The following OTUD7A variants were observed in gnomAD, a reference collection of about 807,000 sequenced individuals.
The protein encoded by OTUD7A is OTU domain-containing protein 7A.
OTUD7A carries 12 observed loss-of-function variants against 65.7 expected under a neutral mutation model. The ratio of observed to expected loss-of-function variants is 0.18; its 90% CI spans 0.12 to 0.30. The LOEUF (loss-of-function observed/expected upper bound fraction) is 0.30. OTUD7A is among the 10% of genes least tolerant of loss of function. The pLI, the probability that OTUD7A is intolerant of heterozygous loss-of-function variation, is 1.00. For missense variants in OTUD7A, 1,148 were observed against 1,304.8 expected (o/e 0.88, Z 1.85); for synonymous variants, 641 against 586.3 (o/e 1.09, Z -1.35).
chr15:31,820,726 T>G (rs887325932), intron 1 of OTUD7A, among the ~76,000 whole-genome samples: 2 of 152,220 alleles, frequency 1.3e-5, no homozygotes, highest in Admixed American at 1.3e-4. Flanking sequence ...TCCAGGAATT[T>G]GAAATCAGGG....
chr15:31,767,533 T>C, intron 1 of OTUD7A: 1 of 772,884 alleles, frequency 1.3e-6, no homozygotes, highest in African/African-American at 1.7e-5. Flanking sequence ...CCATGTTTAC[T>C]TGTATTGGCC....
Position 31,483,245 on chromosome 15 carries a change from A to G in OTUD7A, c.*49T>C, listed in dbSNP as rs756217662. ...TAAAAAAGACACCGACACAATGGAA[A>G]AGAAATCCTCGAAGGTAGAACCTCG... On this transcript the variant is annotated 3_prime_UTR_variant, in exon 13 of 13. Transcript: ENST00000307050. 2.8e-6 allele frequency: 3 copies of G among 1,061,894 alleles called. No individual in the cohort carries two copies. The highest frequency in any genetic ancestry group is 3.4e-6 in the Non-Finnish European group (3 of 880,790). The allele number at this position is 1,061,894 out of a possible 1,614,324, so 65.8% of individuals were successfully genotyped here.
chr15:31,558,558 A>C (rs1888575323), intron 5 of OTUD7A: 1 of 217,394 alleles, frequency 4.6e-6, no homozygotes, highest in African/African-American at 2.3e-5. Context: ...AGGCTGAGAG[A>C]GATCACCTGA....
intron 1 of OTUD7A, among the ~76,000 whole-genome samples, chr15:31,715,006 G>A (rs1366726805): frequency 1.2e-5 from 1 of 85,844 alleles, no homozygotes; most frequent in African/African-American, 3.1e-5. Flanking sequence ...TGTGGTGGTG[G>A]GCACCTGTAG....
At chr15:31,864,603 G>A (rs971931031) in intron 1 of OTUD7A, among the ~76,000 whole-genome samples, 41 of 152,186 alleles carry the variant, frequency 2.7e-4, no homozygotes, top group African/African-American at 9.6e-4. Context: ...CTCCCTCTGG[G>A]TCCCTCCCAC....
At chr15:31,592,651 C>G (rs528996334) in intron 3 of OTUD7A, among the ~76,000 whole-genome samples, 18 of 151,632 alleles carry the variant, frequency 1.2e-4, no homozygotes, top group African/African-American at 4.4e-4. Context: ...GAGGCTGAGG[C>G]GGGCAGATCA....
chr15:31,515,662 C>T lies in OTUD7A; in HGVS notation c.893+10687G>A, dbSNP rs2041837786. 2.8e-5 allele frequency among the ~76,000 whole-genome samples: 4 copies of T among 142,030 alleles called. No homozygotes were observed. The South Asian group carries it at 9.7e-4, about 34-fold the overall frequency. The allele number at this position is 142,030 out of a possible 152,430, so 93.2% of individuals were successfully genotyped here. ...CCCTCCCTCTCTCTCTTCATCCATC[C>T]ATCTATTGATCCACCCATCCACTTG... On this transcript the variant is annotated intron_variant, in intron 8 of 12. Transcript: ENST00000307050.
At chr15:31,541,688 C>A (rs1887992063) in intron 5 of OTUD7A, among the ~76,000 whole-genome samples, 1 of 152,112 alleles carries the variant, frequency 6.6e-6, no homozygotes, top group Non-Finnish European at 1.5e-5. Flanking sequence ...TTAGTATGCA[C>A]CAAACCAGCA....
intron 1 of OTUD7A, among the ~76,000 whole-genome samples, chr15:31,720,271 T>C (rs1279832063): frequency 1.3e-5 from 2 of 151,796 alleles, no homozygotes; most frequent in African/African-American, 4.8e-5. Flanking sequence ...TTTACAGTCA[T>C]GTGCAGATAG....
chr15:31,483,575 G>T lies in OTUD7A; in HGVS notation c.2521C>A (p.Leu841Ile). The change falls in exon 13 of 13, where the codon CTA becomes ATA. Residue 841 changes from leucine to isoleucine, a missense_variant. Leu to Ile is a conservative substitution (Grantham distance 5, BLOSUM62 2). This residue lies in a region of OTUD7A where 842 missense variants were observed against 769.5 expected (regional missense o/e 1.09). Transcript: ENST00000307050. ...CCCGCCGTCCCCGCCGCGCCCGGTA[G>T]GGCCCCGGGCACCGCGCGCGCCAGC... ...ESLARAVPGA[L>I]PGAAGTAGAA... is the part of the protein sequence containing the mutation. The T allele has an allele frequency of 7.9e-7, 1 of 1,260,652 alleles. No homozygotes were observed. Among genetic ancestry groups the T allele is most frequent in the Non-Finnish European group, 1.0e-6 (1 of 1,004,718 alleles). 78.1% of individuals were successfully genotyped at this position (1,260,652 alleles called of 1,614,324 possible).
intron 1 of OTUD7A, among the ~76,000 whole-genome samples, chr15:31,749,739 A>C (rs1048844084): frequency 2.0e-5 from 3 of 152,170 alleles, no homozygotes; most frequent in African/African-American, 4.8e-5. Flanking sequence ...TAAAAGGTGT[A>C]CAATTTTTTT....
intron 1 of OTUD7A, among the ~76,000 whole-genome samples, chr15:31,737,418 C>T (rs944277287): frequency 2.0e-5 from 3 of 152,216 alleles, no homozygotes; most frequent in East Asian, 1.9e-4. Context: ...GAAAAAACGA[C>T]GCAAACTGCC....
intron 1 of OTUD7A, among the ~76,000 whole-genome samples, chr15:31,845,253 T>C (rs1395600887): frequency 1.3e-5 from 2 of 152,158 alleles, no homozygotes; most frequent in Non-Finnish European, 2.9e-5. Flanking sequence ...GTTTCCCTCA[T>C]GGCTCTGAAC....
intron 1 of OTUD7A, among the ~76,000 whole-genome samples, chr15:31,844,471 T>C (rs1159542699): frequency 1.3e-5 from 2 of 152,260 alleles, no homozygotes; most frequent in Non-Finnish European, 1.5e-5. Flanking sequence ...CACTCCAGCC[T>C]GGGTGACAGA....
intron 1 of OTUD7A, among the ~76,000 whole-genome samples, chr15:31,761,955 T>C (rs1419906569): frequency 6.6e-6 from 1 of 152,184 alleles, no homozygotes; most frequent in Admixed American, 6.5e-5. Context: ...GATAAATCTG[T>C]AAAGACAGAA....
chr15:31,481,054 TTC>T lies in OTUD7A; in HGVS notation c.*2238_*2239del, dbSNP rs1025624114. 14 of 152,284 alleles carry T rather than the reference TTC, an allele frequency of 9.2e-5. No homozygotes were observed. Among genetic ancestry groups the T allele is most frequent in the African/African-American group, 3.1e-4 (13 of 41,478 alleles). The allele number at this position is 152,284 out of a possible 1,614,324, so 9.4% of individuals were successfully genotyped here. On this transcript the variant is annotated 3_prime_UTR_variant, in exon 13 of 13. Transcript: ENST00000307050. ...CCTCTATTACAATGGACGGTTTTTA[TTC>T]TGTTTTATTTTTTTATTTTTTAAAT...
At chr15:31,777,679 A>T (rs1305015629) in intron 1 of OTUD7A, among the ~76,000 whole-genome samples, 1 of 152,142 alleles carries the variant, frequency 6.6e-6, no homozygotes, top group Non-Finnish European at 1.5e-5. Flanking sequence ...GCAGCCAGGC[A>T]GGGGCTTCCA....
intron 8 of OTUD7A, among the ~76,000 whole-genome samples, chr15:31,508,637 G>A (rs1276880402): frequency 2.0e-5 from 3 of 152,250 alleles, no homozygotes; most frequent in African/African-American, 7.2e-5. Context: ...CAGGCGTGAG[G>A]CACTGCGCCA....
chr15:31,671,928 T>A (rs756588559), intron 1 of OTUD7A, among the ~76,000 whole-genome samples: 1 of 152,162 alleles, frequency 6.6e-6, no homozygotes, highest in Non-Finnish European at 1.5e-5. Flanking sequence ...CCACCCTCCA[T>A]CCTCAAGTAG....
Sources: gnomAD v4.1 joint callset for allele counts (sites outside exome capture counted in the v4.1 genomes callset) on GRCh38, gnomAD v4.1.1 for gene constraint, gnomAD v4.1.1 regional missense constraint, MANE v1.5 for transcripts, NCBI Gene and HGNC (gene_info 2026-07-23, HGNC 2026-07-21) for gene names.